FBXO21: variants seen among roughly 807,000 people sequenced by gnomAD.
FBXO21 encodes the protein F-box only protein 21.
FBXO21 carries 32 observed loss-of-function variants against 76.6 expected under a neutral mutation model. The observed-to-expected ratio is 0.42, with a 90% CI of 0.32 to 0.56. The LOEUF (loss-of-function observed/expected upper bound fraction) is 0.56, where lower values mean the gene tolerates loss of function less well. Among genes scored for constraint, FBXO21 ranks in the 20% least tolerant of loss-of-function variants. The pLI is 0.16. For missense variants in FBXO21, 586 were observed against 797.3 expected (o/e 0.73, Z 3.19); for synonymous variants, 328 against 311.5 (o/e 1.05, Z -0.56).
intron 9 of FBXO21, among the ~76,000 whole-genome samples, chr12:117,160,693 G>A (rs4766832): frequency 0.18 from 27,496 of 152,110 alleles, 3,225 homozygotes; most frequent in Admixed American, 0.35. Context: ...ATGTGATCAT[G>A]GCTCACTGCA....
chr12:117,153,960 C>T (rs1043677686), intron 11 of FBXO21, among the ~76,000 whole-genome samples: 1 of 152,170 alleles, frequency 6.6e-6, no homozygotes, highest in South Asian at 2.1e-4. Flanking sequence ...TATCACAACC[C>T]CTAAAACCAA....
chr12:117,184,834 G>A (rs769020557), intron 3 of FBXO21, among the ~76,000 whole-genome samples: 7 of 152,190 alleles, frequency 4.6e-5, no homozygotes, highest in East Asian at 1.9e-4. Context: ...TGTTTTACCC[G>A]TTGAAGAGGA....
intron 8 of FBXO21, 145 bp downstream of exon 8, chr12:117,166,753 G>T: frequency 1.6e-6 from 1 of 614,924 alleles, no homozygotes. Flanking sequence ...TGTTACTGAA[G>T]AATGTTTCCA....
intron 7 of FBXO21, 59 bp downstream of exon 7, chr12:117,172,412 C>T: frequency 1.3e-6 from 2 of 1,563,604 alleles, no homozygotes; most frequent in Non-Finnish European, 1.7e-6. Context: ...ATCAGACTGC[C>T]TCTCAGCACA....
At position 117,186,528 on chromosome 12, in the gene FBXO21, G is replaced by C; in HGVS notation, c.419C>G (p.Pro140Arg). 1.2e-6 allele frequency: 2 copies of C among 1,613,144 alleles called. No homozygotes were observed. The highest frequency in any genetic ancestry group is 1.7e-6 in the Non-Finnish European group (2 of 1,179,666). Residue 140 changes from proline (P) to arginine (R), a missense_variant, in exon 3 of 12, where the codon CCA becomes CGA. By Grantham distance (103) the Pro-to-Arg change is moderately radical (BLOSUM62 -2). Coordinates refer to ENST00000622495, the MANE Select transcript of FBXO21 (RefSeq NM_015002.3). ...CAGTTCATCCTCAAAAAAAATCTCT[G>C]GTCCTTCAAGGTTCTCAATGTCACT... ...GFSDIENLEG[P>R]EIFFEDELVC...
chr12:117,186,367 G>A, intron 3 of FBXO21, 110 bp downstream of exon 3: 1 of 756,864 alleles, frequency 1.3e-6, no homozygotes, highest in Non-Finnish European at 2.3e-6. Flanking sequence ...ACTATGACAA[G>A]GCGTGAAATA....
chr12:117,145,785 G>C lies in FBXO21; in HGVS notation c.*302C>G. On this transcript the variant is annotated 3_prime_UTR_variant, in exon 12 of 12. Coordinates refer to ENST00000622495, the MANE Select transcript of FBXO21 (RefSeq NM_015002.3). ...TACAAAGAATGATTACAGGAGCGTC[G>C]ACTGTGAGACCTCATGAAGACAGAA... 4.4e-6 allele frequency: 1 copy of C among 229,376 alleles called. No individual in the cohort carries two copies. The highest frequency in any genetic ancestry group is 8.4e-6 in the Non-Finnish European group (1 of 118,468). The allele number at this position is 229,376 out of a possible 1,614,324, so 14.2% of individuals were successfully genotyped here. A position where few individuals can be genotyped will look rare whatever the true frequency, so the allele number is the denominator to read the frequency against.
chr12:117,174,892 T>G, intron 4 of FBXO21, 95 bp from the exon 5 acceptor site: 1 of 1,282,300 alleles, frequency 7.8e-7, no homozygotes, highest in Non-Finnish European at 1.1e-6. Context: ...CATGGCTCTT[T>G]ACACCATCCC....
chr12:117,177,069 C>T (rs1041012079), intron 4 of FBXO21, among the ~76,000 whole-genome samples: 12 of 152,182 alleles, frequency 7.9e-5, no homozygotes, highest in African/African-American at 1.4e-4. Flanking sequence ...CTTCTTCCTT[C>T]TCACCTTTCA....
intron 9 of FBXO21, 74 bp downstream of exon 9, chr12:117,165,411 C>A: frequency 7.1e-7 from 1 of 1,413,212 alleles, no homozygotes; most frequent in East Asian, 2.3e-5. Flanking sequence ...CAAAGATAAG[C>A]TTGTCACGGG....
chr12:117,183,255 CT>C (rs34160051), intron 3 of FBXO21, among the ~76,000 whole-genome samples: 2,048 of 147,130 alleles, frequency 0.014, 34 homozygotes, highest in African/African-American at 0.045. Context: ...CTGTTTAACA[CT>C]TTTTTTTTTT....
At chr12:117,167,725 G>A (rs936743988) in intron 7 of FBXO21, among the ~76,000 whole-genome samples, 9 of 144,258 alleles carry the variant, frequency 6.2e-5, no homozygotes, top group Non-Finnish European at 1.2e-4. Context: ...CAGCCTGGGC[G>A]ACAGAAAAAG....
At chr12:117,163,559 AAAG>A (rs1956010684) in intron 9 of FBXO21, among the ~76,000 whole-genome samples, 1 of 152,064 alleles carries the variant, frequency 6.6e-6, no homozygotes, top group African/African-American at 2.4e-5. Context: ...GAAAAAAGAA[AAAG>A]AAGAAAAGAA....
intron 1 of FBXO21, 145 bp from the exon 2 acceptor site, chr12:117,189,507 A>T (rs749929370): frequency 1.1e-5 from 8 of 748,882 alleles, no homozygotes; most frequent in Non-Finnish European, 1.5e-5. Context: ...AAACCCCACC[A>T]GCATTCACTC....
intron 7 of FBXO21, among the ~76,000 whole-genome samples, chr12:117,171,095 G>A (rs1280296835): frequency 6.6e-6 from 1 of 151,916 alleles, no homozygotes; most frequent in Non-Finnish European, 1.5e-5. Flanking sequence ...CAGGCGCGGT[G>A]GCTCACGCCT....
At chr12:117,169,470 A>C (rs1177138969) in intron 7 of FBXO21, among the ~76,000 whole-genome samples, 1 of 152,228 alleles carries the variant, frequency 6.6e-6, no homozygotes, top group Non-Finnish European at 1.5e-5. Flanking sequence ...AAGTTAAAAA[A>C]AGAAATTCTA....
rs1956334748 is a variant in FBXO21, at chr12:117,190,360, G to A, written c.97C>T (p.Leu33=). The change falls in exon 1 of 12, where the codon CTG becomes TTG. Residue 33 remains leucine (L), a synonymous_variant. Coordinates refer to ENST00000622495, the MANE Select transcript of FBXO21 (RefSeq NM_015002.3). ...ATGTACTCCAGCACCTCACCCGGCA[G>A]GTTGACGAGGCAGCTGAGGCCCGCT... ...EVAGLSCLVN[L]PGEVLEYILC... is the part of the protein sequence containing the mutation. The A allele has an allele frequency of 6.5e-7, 1 of 1,532,058 alleles. No homozygotes were observed. Among genetic ancestry groups the A allele is most frequent in the Admixed American group, 2.0e-5 (1 of 50,850 alleles). The allele number at this position is 1,532,058 out of a possible 1,614,324, so 94.9% of individuals were successfully genotyped here. A position where few individuals can be genotyped will look rare whatever the true frequency, so the allele number is the denominator to read the frequency against.
chr12:117,183,084 ACT>A (rs1468704699), intron 3 of FBXO21, among the ~76,000 whole-genome samples: 2 of 152,058 alleles, frequency 1.3e-5, no homozygotes, highest in South Asian at 4.1e-4. Context: ...CAAGAGTGAG[ACT>A]CTGTTTCTAA....
intron 3 of FBXO21, among the ~76,000 whole-genome samples, chr12:117,178,021 C>T (rs1172935779): frequency 2.0e-5 from 3 of 152,114 alleles, no homozygotes; most frequent in Non-Finnish European, 4.4e-5. Flanking sequence ...GAGTTCCTCA[C>T]GGTTTCACAT....
Sources: gnomAD v4.1 joint callset for allele counts (sites outside exome capture counted in the v4.1 genomes callset) on GRCh38, gnomAD v4.1.1 for gene constraint, MANE v1.5 for transcripts, NCBI Gene and HGNC (gene_info 2026-07-23, HGNC 2026-07-21) for gene names.